Variants in SMG1 observed in about 807,000 individuals in gnomAD.
SMG1 encodes the protein SMG1 nonsense mediated mRNA decay associated PI3K related kinase.
In SMG1, 22 loss-of-function variants were observed where a neutral mutation model predicts 419.9. The ratio of observed to expected loss-of-function variants is 0.05; its 90% CI spans 0.04 to 0.07. The LOEUF (loss-of-function observed/expected upper bound fraction) is 0.07, where lower values mean the gene tolerates loss of function less well. SMG1 is among the 10% of genes least tolerant of loss of function. The pLI, the probability that SMG1 is intolerant of heterozygous loss-of-function variation, is 1.00. For missense variants in SMG1, 3,185 were observed against 4,342.0 expected (o/e 0.73, Z 7.49); for synonymous variants, 1,538 against 1,553.5 (o/e 0.99, Z 0.23).
intron 6 of SMG1, among the ~76,000 whole-genome samples, chr16:18,887,992 C>G (rs1192304824): frequency 1.3e-5 from 2 of 150,406 alleles, no homozygotes; most frequent in African/African-American, 4.9e-5. Context: ...ACAACGAAAC[C>G]CCATCTCTAT....
At position 18,864,035 on chromosome 16, in the gene SMG1, G is replaced by T; in HGVS notation, c.3460C>A (p.Arg1154Ser). Residue 1154 changes from arginine to serine, a missense_variant, in exon 24 of 63, where the codon CGT (arginine) becomes AGT (serine). Transcript: ENST00000446231. ...KSVLTLANAGRNSASPKHSLN... is the reference protein window; with the variant it reads ...KSVLTLANAGSNSASPKHSLN... ...GAATGTTTCGGGCTGGCACTGTTAC[G>T]CCCAGCATTGGCTAAGGTGAGCACC... The T allele has an allele frequency of 6.5e-7, 1 of 1,549,976 alleles. No individual in the cohort carries two copies. The highest frequency in any genetic ancestry group is 8.7e-7 in the Non-Finnish European group (1 of 1,146,976).
chr16:18,880,513 G>A (rs1353887632), intron 10 of SMG1, among the ~76,000 whole-genome samples: 1 of 152,050 alleles, frequency 6.6e-6, no homozygotes, highest in African/African-American at 2.4e-5. Context: ...AGGAGTTTGA[G>A]ACCAGCCATG....
At chr16:18,835,351 C>T (rs535770739) in intron 48 of SMG1, among the ~76,000 whole-genome samples, 187 bp from the exon 49 acceptor site, 1 of 152,176 alleles carries the variant, frequency 6.6e-6, no homozygotes, top group Non-Finnish European at 1.5e-5. Flanking sequence ...ACAGAATCAA[C>T]ATTTGAGGCC....
At chr16:18,850,162 T>C in intron 34 of SMG1, 36 bp from the exon 35 acceptor site, 1 of 1,600,284 alleles carries the variant, frequency 6.2e-7, no homozygotes, top group Non-Finnish European at 8.5e-7. Flanking sequence ...AATAAGAAAA[T>C]AACTCAGAAC....
chr16:18,904,203 C>T (rs1172524981), intron 1 of SMG1, among the ~76,000 whole-genome samples: 3 of 151,116 alleles, frequency 2.0e-5, no homozygotes, highest in Admixed American at 2.0e-4. Context: ...TCCCAAAGTG[C>T]TGGGATTACA....
chr16:18,887,495 C>T (rs1244410503), intron 6 of SMG1, among the ~76,000 whole-genome samples: 5 of 132,848 alleles, frequency 3.8e-5, no homozygotes, highest in East Asian at 2.1e-4. Flanking sequence ...CATGCCACCA[C>T]GCCCGACTTA....
chr16:18,819,765 G>A (rs2032348515), intron 55 of SMG1, 111 bp from the exon 56 acceptor site: 1 of 1,116,786 alleles, frequency 9.0e-7, no homozygotes, highest in African/African-American at 1.6e-5. Context: ...GTGGACACAT[G>A]TAATTTAGAA....
intron 31 of SMG1, among the ~76,000 whole-genome samples, chr16:18,853,355 A>G (rs1442542968): frequency 6.6e-6 from 1 of 152,192 alleles, no homozygotes; most frequent in East Asian, 1.9e-4. Flanking sequence ...TTGCCAGCAA[A>G]AACATCTAAG....
intron 1 of SMG1, among the ~76,000 whole-genome samples, chr16:18,902,415 C>G (rs369165909): frequency 5.3e-5 from 8 of 152,016 alleles, no homozygotes; most frequent in Non-Finnish European, 1.2e-4. Flanking sequence ...ACCTAAGAGT[C>G]GTCTTGGCCA....
At chr16:18,827,661 A>G (rs2032825480) in intron 55 of SMG1, among the ~76,000 whole-genome samples, 1 of 144,160 alleles carries the variant, frequency 6.9e-6, no homozygotes, top group Non-Finnish European at 1.5e-5. Context: ...ACCAAAATAT[A>G]TATTTTTATA....
intron 13 of SMG1, among the ~76,000 whole-genome samples, chr16:18,873,083 G>C (rs2035912707): frequency 6.6e-6 from 1 of 151,980 alleles, no homozygotes; most frequent in Middle Eastern, 3.4e-3. Context: ...GAACCTGGGA[G>C]GCAGAGGTTG....
chr16:18,869,586 C>A (rs1158208401), intron 19 of SMG1, among the ~76,000 whole-genome samples: 1 of 151,802 alleles, frequency 6.6e-6, no homozygotes, highest in Non-Finnish European at 1.5e-5. Flanking sequence ...ATCTCCACCC[C>A]CACCCCATTC....
intron 29 of SMG1, chr16:18,857,600 T>C (rs1296395518): frequency 6.6e-6 from 1 of 152,316 alleles, no homozygotes; most frequent in East Asian, 1.9e-4. Flanking sequence ...TTTTTTTAAG[T>C]TAAGCTACGT....
intron 8 of SMG1, 50 bp downstream of exon 8, chr16:18,885,040 T>C (rs1200973934): frequency 9.2e-6 from 6 of 649,752 alleles, no homozygotes; most frequent in Non-Finnish European, 5.5e-6. Flanking sequence ...GGGGGACCAC[T>C]GCTCCTCCCC....
intron 1 of SMG1, 40 bp from the exon 2 acceptor site, chr16:18,896,996 A>T: frequency 7.4e-7 from 1 of 1,352,750 alleles, no homozygotes. Context: ...ACTTTAAATA[A>T]CATAAATAAA....
Position 18,819,581 on chromosome 16 carries a change from G to A in SMG1, c.9815C>T (p.Ala3272Val), listed in dbSNP as rs901888381. ...TGCTTCAAAATCTTGTAGTACAGGG[G>A]CCAATGCAGGGTTGGCACCACCTGC... ...KWAGGANPAL[A>V]PVLQDFEATI... Residue 3272 changes from alanine to valine, a missense_variant, in exon 56 of 63, where the codon GCC becomes GTC. Physicochemically the swap from Ala to Val is moderately conservative, Grantham distance 64. Coordinates refer to ENST00000446231, the MANE Select transcript of SMG1 (RefSeq NM_015092.5). The A allele has an allele frequency of 1.3e-6, 2 of 1,599,158 alleles. No individual in the cohort carries two copies. The highest frequency in any genetic ancestry group is 1.7e-6 in the Non-Finnish European group (2 of 1,172,318).
At chr16:18,901,867 C>T (rs1342975151) in intron 1 of SMG1, among the ~76,000 whole-genome samples, 1 of 148,980 alleles carries the variant, frequency 6.7e-6, no homozygotes, top group East Asian at 2.0e-4. Context: ...ATCCCAGCTA[C>T]TCAGGAGGCT....
At chr16:18,849,910 A>G in intron 35 of SMG1, 39 bp downstream of exon 35, 1 of 1,584,422 alleles carries the variant, frequency 6.3e-7, no homozygotes, top group Non-Finnish European at 8.6e-7. Flanking sequence ...TATCCTAGTG[A>G]GAAACTATTT....
At chr16:18,813,572 A>G (rs549018970) in intron 60 of SMG1, among the ~76,000 whole-genome samples, 1 of 152,378 alleles carries the variant, frequency 6.6e-6, no homozygotes, top group African/African-American at 2.4e-5. Flanking sequence ...GACTTTTGTC[A>G]GATGAGTAGA....
Sources: allele counts gnomAD v4.1 joint callset (sites outside exome capture counted in the v4.1 genomes callset), GRCh38; gene constraint gnomAD v4.1.1; transcripts MANE v1.5; gene names NCBI Gene and HGNC (gene_info 2026-07-23, HGNC 2026-07-21).